MTCL2: variants seen among roughly 807,000 people sequenced by gnomAD.
MTCL2 encodes microtubule cross-linking factor 2.
At chr20:36,786,521 C>G in the MTCL2 span, 1 of 1,550,084 alleles carries the variant, frequency 6.5e-7, no homozygotes, top group Non-Finnish European at 8.7e-7. Context: ...CCTCCCCACC[C>G]CAGCTGGACT....
At chr20:36,794,300 C>T in the MTCL2 span, 4 of 1,556,560 alleles carry the variant, frequency 2.6e-6, no homozygotes, top group East Asian at 2.4e-5. The surrounding 1 kb of genome is among the most constrained non-coding windows in gnomAD (Gnocchi z 5.4). Flanking sequence ...GACTCCGAGG[C>T]GCCGGGCCAC....
At chr20:36,806,961 T>C in the MTCL2 span, among the ~76,000 whole-genome samples, 1 of 152,230 alleles carries the variant, frequency 6.6e-6, no homozygotes, top group Non-Finnish European at 1.5e-5. Context: ...ATATAGACTG[T>C]GTGGCCTGCA....
the MTCL2 span, chr20:36,862,540 C>A: frequency 9.9e-7 from 1 of 1,011,088 alleles, no homozygotes; most frequent in East Asian, 3.2e-5. Context: ...CCCCAGAGGG[C>A]TTGGGCCCCT....
the MTCL2 span, among the ~76,000 whole-genome samples, chr20:36,798,334 C>T: frequency 6.6e-6 from 1 of 152,194 alleles, no homozygotes. Context: ...TCCTAAAATG[C>T]TGGGATTACA....
the MTCL2 span, among the ~76,000 whole-genome samples, chr20:36,790,235 C>A: frequency 6.6e-6 from 1 of 151,708 alleles, no homozygotes; most frequent in African/African-American, 2.4e-5. Flanking sequence ...TCATGATCCA[C>A]CCACCTCAGC....
At chr20:36,806,148 C>T in the MTCL2 span, among the ~76,000 whole-genome samples, 1 of 152,140 alleles carries the variant, frequency 6.6e-6, no homozygotes, top group African/African-American at 2.4e-5. Context: ...TGTTGACAGG[C>T]TGGGTCAAGG....
the MTCL2 span, among the ~76,000 whole-genome samples, chr20:36,857,260 A>C: frequency 4.6e-5 from 7 of 152,024 alleles, no homozygotes; most frequent in Non-Finnish European, 7.4e-5. Flanking sequence ...CTAGGGGTGT[A>C]AGATGTGTAT....
the MTCL2 span, among the ~76,000 whole-genome samples, chr20:36,787,662 T>G: frequency 6.6e-6 from 1 of 151,480 alleles, no homozygotes; most frequent in African/African-American, 2.4e-5. Context: ...CTGAGGCAGG[T>G]GGATCACGAG....
chr20:36,809,178 G>A, the MTCL2 span, among the ~76,000 whole-genome samples: 16 of 152,184 alleles, frequency 1.1e-4, no homozygotes, highest in African/African-American at 3.9e-4. Flanking sequence ...AGAGGGACCT[G>A]GATTAGAGGC....
At chr20:36,823,660 T>G in the MTCL2 span, among the ~76,000 whole-genome samples, 2,024 of 152,104 alleles carry the variant, frequency 0.013, 45 homozygotes, top group African/African-American at 0.047. Context: ...AATACGAAAT[T>G]AGCCAGGTGT....
the MTCL2 span, among the ~76,000 whole-genome samples, chr20:36,810,737 T>TCC: frequency 6.7e-6 from 1 of 149,518 alleles, no homozygotes; most frequent in East Asian, 2.0e-4. Flanking sequence ...TCTCTCTCTC[T>TCC]CTCTCTCTCT....
the MTCL2 span, among the ~76,000 whole-genome samples, chr20:36,787,716 T>C: frequency 1.3e-5 from 2 of 149,558 alleles, no homozygotes; most frequent in Non-Finnish European, 3.0e-5. Flanking sequence ...TGAAACCCCA[T>C]CTCTACTAAA....
the MTCL2 span, chr20:36,810,193 T>G: frequency 4.1e-6 from 6 of 1,468,030 alleles, no homozygotes; most frequent in Non-Finnish European, 4.6e-6. Flanking sequence ...ATGACAGTGG[T>G]AGGGGAACGA....
chr20:36,828,836 G>A, the MTCL2 span: 6,408 of 524,864 alleles, frequency 0.012, 400 homozygotes, highest in African/African-American at 0.12. Flanking sequence ...AACTGGGTGT[G>A]TTTTGTTCAC....
At chr20:36,837,376 G>A in the MTCL2 span, among the ~76,000 whole-genome samples, 1 of 151,488 alleles carries the variant, frequency 6.6e-6, no homozygotes, top group African/African-American at 2.4e-5. Context: ...AGAGCAGTGA[G>A]GCCAAGCTGG....
At chr20:36,862,502 G>A in the MTCL2 span, among the ~76,000 whole-genome samples, 1 of 152,214 alleles carries the variant, frequency 6.6e-6, no homozygotes, top group Non-Finnish European at 1.5e-5. Flanking sequence ...GGGGGAATGA[G>A]GGAGCCCCAG....
the MTCL2 span, among the ~76,000 whole-genome samples, chr20:36,836,200 C>A: frequency 6.6e-6 from 1 of 151,594 alleles, no homozygotes; most frequent in African/African-American, 2.4e-5. Flanking sequence ...AGAGAGAGAC[C>A]TTGTCGCTCT....
the MTCL2 span, among the ~76,000 whole-genome samples, chr20:36,841,864 T>TGGGGGGA: frequency 1.0e-5 from 1 of 100,054 alleles, no homozygotes; most frequent in African/African-American, 4.1e-5. Flanking sequence ...ACATCGGGGG[T>TGGGGGGA]GGGGGGTGGG....
chr20:36,821,378 A>T, the MTCL2 span, among the ~76,000 whole-genome samples: 1 of 152,080 alleles, frequency 6.6e-6, no homozygotes, highest in Non-Finnish European at 1.5e-5. Flanking sequence ...AAAAAAAAAA[A>T]TTAGCCGGGC....
Sources: gnomAD v4.1 joint callset for allele counts (sites outside exome capture counted in the v4.1 genomes callset) on GRCh38, gnomAD v4.1.1 for gene constraint, Gnocchi (gnomAD v3.1) non-coding constraint, MANE v1.5 for transcripts, NCBI Gene and HGNC (gene_info 2026-07-23, HGNC 2026-07-21) for gene names.